Variants in SMC1A observed in about 807,000 individuals in gnomAD.
The protein encoded by SMC1A is structural maintenance of chromosomes protein 1A.
A neutral mutation model predicts 94.5 loss-of-function variants in SMC1A; 4 were observed. The observed-to-expected ratio is 0.04, with a 90% CI of 0.02 to 0.10. SMC1A has a LOEUF of 0.10. Among genes scored for constraint, SMC1A ranks in the 10% least tolerant of loss-of-function variants. The pLI, the probability that SMC1A is intolerant of heterozygous loss-of-function variation, is 1.00. For synonymous variants in SMC1A, 345 were observed against 347.7 expected (o/e 0.99, Z 0.09); for missense variants, 304 against 989.0 (o/e 0.31, Z 9.29).
intron 23 of SMC1A, 107 bp downstream of exon 23, chrX:53,380,911 C>G (rs2075579814): frequency 1.2e-5 from 9 of 742,650 alleles, no homozygotes; most frequent in East Asian, 3.2e-5. Context: ...CTCCCAGGCA[C>G]AGAGAGCAGG....
intron 9 of SMC1A, among the ~76,000 whole-genome samples, chrX:53,407,571 C>G (rs1412853176): frequency 8.9e-5 from 10 of 112,050 alleles, no homozygotes; most frequent in Non-Finnish European, 1.9e-4. Context: ...TTCTCGGGAA[C>G]TGTAATTTAT....
At chrX:53,383,539 TG>T (rs1421769436) in intron 19 of SMC1A, among the ~76,000 whole-genome samples, 1 of 112,299 alleles carries the variant, frequency 8.9e-6, no homozygotes, top group Non-Finnish European at 1.9e-5. Context: ...GAGCAGCTGG[TG>T]GTGCCCCTCT....
intron 15 of SMC1A, 102 bp from the exon 16 acceptor site, chrX:53,399,832 G>T: frequency 1.2e-6 from 1 of 834,475 alleles, no homozygotes; most frequent in Non-Finnish European, 1.7e-6. Context: ...TAGACCCAGG[G>T]CTCAGGGACC....
At chrX:53,417,129 T>C (rs1393359704) in intron 1 of SMC1A, among the ~76,000 whole-genome samples, 2 of 111,368 alleles carry the variant, frequency 1.8e-5, no homozygotes, top group Non-Finnish European at 3.8e-5. Flanking sequence ...TTCCAGTTCC[T>C]AGGAAATACA....
chrX:53,402,262 A>T (rs2075673055), intron 15 of SMC1A, among the ~76,000 whole-genome samples: 1 of 110,828 alleles, frequency 9.0e-6, no homozygotes, highest in African/African-American at 3.3e-5. Context: ...TTCAGCAAAG[A>T]CTGTGTTGTG....
chrX:53,416,402 T>C (rs1394026717), intron 1 of SMC1A, among the ~76,000 whole-genome samples: 2 of 107,693 alleles, frequency 1.9e-5, no homozygotes, highest in South Asian at 8.3e-4. Flanking sequence ...GAGGTTTTTT[T>C]TTCTTTTGAG....
intron 7 of SMC1A, among the ~76,000 whole-genome samples, chrX:53,410,125 G>A (rs1416981903): frequency 3.6e-5 from 4 of 111,358 alleles, no homozygotes; most frequent in Non-Finnish European, 7.5e-5. Flanking sequence ...TATCAGGGAG[G>A]CAGTAAGTAA....
chrX:53,404,898 T>C (rs2075685287), intron 13 of SMC1A, 114 bp downstream of exon 13: 3 of 888,536 alleles, frequency 3.4e-6, no homozygotes, highest in Non-Finnish European at 4.8e-6. Context: ...CCTGACTCCC[T>C]GCGGCAGGCT....
chrX:53,414,632 C>T (rs1264943905), intron 3 of SMC1A, 126 bp downstream of exon 3: 1 of 531,659 alleles, frequency 1.9e-6, no homozygotes, highest in Non-Finnish European at 3.4e-6. Context: ...AGTTGGGAAG[C>T]TCAGTGAACA....
intron 9 of SMC1A, among the ~76,000 whole-genome samples, chrX:53,408,186 T>G (rs1277574850): frequency 9.0e-6 from 1 of 110,845 alleles, no homozygotes; most frequent in African/African-American, 3.3e-5. Flanking sequence ...AAAAAATTAG[T>G]TGGGCATGGC....
At position 53,414,115 on chromosome X, in the gene SMC1A, C is replaced by CA. The variant is rs1269181155; in HGVS notation, c.411+642dup. ...AAAACAAGAACAAAAAACAAACAAA[C>CA]AAAAAAAACAGAGAAAAAGTTATTC... On this transcript the variant is annotated intron_variant, in intron 3 of 24. Coordinates refer to ENST00000322213, the MANE Select transcript of SMC1A (RefSeq NM_006306.4). Among the ~76,000 whole-genome samples the CA allele has an allele frequency of 3.4e-4, 35 of 102,424 alleles. 1 individual carries two copies. The highest frequency in any genetic ancestry group is 2.1e-3 in the Admixed American group (20 of 9,493). 88.9% of individuals were successfully genotyped at this position (102,424 alleles called of 115,157 possible). A position where few individuals can be genotyped will look rare whatever the true frequency, so the allele number is the denominator to read the frequency against.
chrX:53,389,456 C>T (rs888542494), intron 19 of SMC1A, among the ~76,000 whole-genome samples: 32 of 111,540 alleles, frequency 2.9e-4, no homozygotes, highest in Non-Finnish European at 4.0e-4. Context: ...TACTGCCAAG[C>T]GTGGTGGCTC....
At chrX:53,415,796 G>A (rs868909204) in intron 1 of SMC1A, among the ~76,000 whole-genome samples, 4 of 99,683 alleles carry the variant, frequency 4.0e-5, no homozygotes, top group Non-Finnish European at 7.9e-5. Context: ...TGACACCACT[G>A]CACTCCAGCC....
At chrX:53,416,056 C>T (rs1556891247) in intron 1 of SMC1A, among the ~76,000 whole-genome samples, 1 of 109,816 alleles carries the variant, frequency 9.1e-6, no homozygotes, top group Non-Finnish European at 1.9e-5. Flanking sequence ...AATCCCAGCA[C>T]TTTGGGAGGC....
In SMC1A at chrX:53,382,273, C is replaced by T; in HGVS notation, c.3396G>A (p.Glu1132=). 1 of 1,211,834 alleles carries T rather than the reference C, an allele frequency of 8.3e-7. No homozygotes were observed. Among genetic ancestry groups the T allele is most frequent in the East Asian group, 3.0e-5 (1 of 33,842 alleles). The change falls in exon 22 of 25, where the codon GAG becomes GAA. Residue 1132 remains glutamate (E), a synonymous_variant. Coordinates refer to ENST00000322213, the MANE Select transcript of SMC1A (RefSeq NM_006306.4). ...GCAGGGCCAGAGCTGCCACTGTCTTCTCCCCGCCTGACAAGTTGTCCATAG... is the reference window on the plus strand; with the variant it reads ...GCAGGGCCAGAGCTGCCACTGTCTTTTCCCCGCCTGACAAGTTGTCCATAG... ...FRPMDNLSGG[E]KTVAALALLF... is the part of the protein sequence containing the mutation.
rs782095170 is a variant in SMC1A, at chrX:53,377,116, A to T, written c.*2987T>A. 13 of 111,839 alleles carry T rather than the reference A, an allele frequency of 1.2e-4. No individual in the cohort carries two copies. Among genetic ancestry groups the T allele is most frequent in the African/African-American group, 4.2e-4 (13 of 30,781 alleles). 9.2% of individuals were successfully genotyped at this position (111,839 alleles called of 1,213,427 possible). On this transcript the variant is annotated 3_prime_UTR_variant, in exon 25 of 25. Coordinates refer to ENST00000322213, the MANE Select transcript of SMC1A (RefSeq NM_006306.4). ...ACAACGGTTGCCCTGTGATGCCAGG[A>T]GGTGGTGGGGCACGACAGGAGAGAG... is the stretch of plus-strand genomic sequence containing the variant.
At chrX:53,388,921 T>TG (rs782025993) in intron 19 of SMC1A, among the ~76,000 whole-genome samples, 38 of 92,547 alleles carry the variant, frequency 4.1e-4, no homozygotes, top group Non-Finnish European at 6.6e-4. Flanking sequence ...GGCATGAACC[T>TG]GGGGGGCGGA....
intron 9 of SMC1A, among the ~76,000 whole-genome samples, chrX:53,406,818 C>A (rs1163601773): frequency 9.0e-6 from 1 of 111,534 alleles, no homozygotes; most frequent in Non-Finnish European, 1.9e-5. Context: ...CTGCCTTAGC[C>A]TCCCGAGTAG....
At chrX:53,381,790 C>A in intron 22 of SMC1A, 1 of 237,154 alleles carries the variant, frequency 4.2e-6, no homozygotes, top group Non-Finnish European at 7.8e-6. Context: ...TGATGCTGTA[C>A]AATCAAGCAA....
Sources: allele counts gnomAD v4.1 joint callset (sites outside exome capture counted in the v4.1 genomes callset), GRCh38; gene constraint gnomAD v4.1.1; transcripts MANE v1.5; gene names NCBI Gene and HGNC (gene_info 2026-07-23, HGNC 2026-07-21).